The following PIEZO1 variants were observed in gnomAD, a reference collection of about 807,000 sequenced individuals.
PIEZO1 encodes the protein piezo type mechanosensitive ion channel component 1 (Er blood group).
Under a neutral mutation model 297.2 loss-of-function variants are expected in PIEZO1, and 296 were observed. That is an observed-to-expected ratio of 1.00 (90% CI 0.91 to 1.10). PIEZO1 has a LOEUF of 1.10. Ranked by LOEUF, PIEZO1 falls within the 50% of genes least tolerant of loss-of-function variation. PIEZO1 has a pLI of 0.00. For synonymous variants in PIEZO1, 2,427 were observed against 1,507.5 expected (o/e 1.61, Z -14.13); for missense variants, 5,018 against 3,455.5 (o/e 1.45, Z -11.34).
chr16:88,745,870 A>T (rs949806648), intron 2 of PIEZO1: 1 of 151,660 alleles, frequency 6.6e-6, no homozygotes, highest in Non-Finnish European at 1.5e-5. Context: ...CAGAGCATGG[A>T]CCTCCCCCAG....
intron 2 of PIEZO1, chr16:88,743,631 T>C (rs1302716169): frequency 4.4e-6 from 2 of 456,620 alleles, no homozygotes; most frequent in Non-Finnish European, 8.8e-6. Context: ...AGACTCGGGA[T>C]TGGCCTTGGA....
rs986178321 is a variant in PIEZO1 at position 88,738,678 on chromosome 16, G to A, written c.524C>T (p.Thr175Met). The A allele has an allele frequency of 1.5e-5, 23 of 1,535,020 alleles. No individual in the cohort carries two copies. The highest frequency in any genetic ancestry group is 9.8e-5 in the Admixed American group (5 of 50,956). The stretch of plus-strand genomic sequence containing the variant: ...CCGTGACCTCCGTGTAGGGGCCAGC[G>A]TTGCTGCTTCCTGCAGCCCTGCCGT... ...SPTAGLQEAA[T>M]LAPTRRSRLA... is the part of the protein sequence containing the mutation. The change falls in exon 6 of 51, where the codon ACG becomes ATG. Residue 175 changes from threonine to methionine, a missense_variant. By Grantham distance (81) the Thr-to-Met change is moderately conservative (BLOSUM62 -1). Coordinates refer to ENST00000301015, the MANE Select transcript of PIEZO1 (RefSeq NM_001142864.4).
At chr16:88,763,414 C>G (rs11861910) in intron 1 of PIEZO1, among the ~76,000 whole-genome samples, 1 of 152,042 alleles carries the variant, frequency 6.6e-6, no homozygotes. Flanking sequence ...TATGGTGACT[C>G]CTGCCTGTAA....
At position 88,726,805 on chromosome 16, in the gene PIEZO1, CAGGGCCGTGCCGA is replaced by C; in HGVS notation, c.3596_3608del (p.Phe1199CysfsTer67). On this transcript the variant is annotated frameshift_variant, in exon 25 of 51. Coordinates refer to ENST00000301015, the MANE Select transcript of PIEZO1 (RefSeq NM_001142864.4). LOFTEE classifies it high-confidence loss of function. ...GGCGGGCCCGTGTGTCCCTCTGCAG[CAGGGCCGTGCCGA>C]AGAGCAGCAGGTAGAAGCAGGCCAG... 6.5e-7 allele frequency: 1 copy of C among 1,550,292 alleles called. No homozygotes were observed. The highest frequency in any genetic ancestry group is 8.7e-7 in the Non-Finnish European group (1 of 1,146,916).
In PIEZO1 at chr16:88,719,649, G is replaced by T; in HGVS notation, c.6396C>A (p.Ser2132=). The T allele has an allele frequency of 6.4e-7, 1 of 1,554,096 alleles. No individual in the cohort carries two copies. The highest frequency in any genetic ancestry group is 2.4e-5 in the East Asian group (1 of 41,148). The change falls in exon 44 of 51, where the codon TCC becomes TCA. Residue 2132 remains serine (S), a synonymous_variant. Coordinates refer to ENST00000301015, the MANE Select transcript of PIEZO1 (RefSeq NM_001142864.4). ...CCTCCACACACATCCAGCTGGACAG[G>T]GACAGCGTGGTGTCCGTCCACACCC... ...MDWVWTDTTL[S]LSSWMCVEDI...
intron 1 of PIEZO1, among the ~76,000 whole-genome samples, chr16:88,779,001 G>C (rs1180704862): frequency 6.6e-6 from 1 of 150,798 alleles, no homozygotes; most frequent in African/African-American, 2.4e-5. Context: ...GGTTCAAAGG[G>C]TTAAAAAGGG....
chr16:88,758,634 G>A (rs555648398), intron 1 of PIEZO1, among the ~76,000 whole-genome samples: 12 of 152,214 alleles, frequency 7.9e-5, no homozygotes, highest in Middle Eastern at 3.2e-3. Flanking sequence ...CAGGCCAAGC[G>A]GCAGGGGGTG....
intron 1 of PIEZO1, among the ~76,000 whole-genome samples, chr16:88,751,506 G>A (rs548071121): frequency 5.3e-5 from 8 of 152,284 alleles, no homozygotes; most frequent in East Asian, 3.9e-4. Context: ...GCGGAGTGCC[G>A]GGCTCCGGGG....
chr16:88,735,161 AGC>A lies in PIEZO1; in HGVS notation c.1641_1642del (p.Leu548AspfsTer228). ...TGTGTCTGCCACGGTGACCTCCGTC[AGC>A]GCAGCTGGAGACTCTGCCCACTTCA... On this transcript the variant is annotated frameshift_variant, in exon 13 of 51. Coordinates refer to ENST00000301015, the MANE Select transcript of PIEZO1 (RefSeq NM_001142864.4). LOFTEE classifies it high-confidence loss of function. 1 of 1,550,330 alleles carries A rather than the reference AGC, an allele frequency of 6.5e-7. No individual in the cohort carries two copies. Among genetic ancestry groups the A allele is most frequent in the Non-Finnish European group, 8.7e-7 (1 of 1,146,892 alleles).
chr16:88,717,615 C>T (rs1240555252), intron 44 of PIEZO1: 1 of 462,526 alleles, frequency 2.2e-6, no homozygotes, highest in African/African-American at 2.0e-5. Context: ...TCTTCATGAA[C>T]CTGGATTTGG....
chr16:88,782,361 C>T (rs1012264188), intron 1 of PIEZO1, among the ~76,000 whole-genome samples: 1 of 152,218 alleles, frequency 6.6e-6, no homozygotes, highest in Non-Finnish European at 1.5e-5. Flanking sequence ...ATCCTCCCAC[C>T]TTGGCCTCCC....
intron 2 of PIEZO1, among the ~76,000 whole-genome samples, chr16:88,747,233 A>AG (rs1219993568): frequency 1.3e-5 from 2 of 148,846 alleles, no homozygotes; most frequent in African/African-American, 4.9e-5. Flanking sequence ...CCCCACTCGA[A>AG]AAAAAAAAAA....
At chr16:88,764,422 C>T (rs1388995029) in intron 1 of PIEZO1, among the ~76,000 whole-genome samples, 2 of 152,182 alleles carry the variant, frequency 1.3e-5, no homozygotes, top group African/African-American at 4.8e-5. Flanking sequence ...CTCTGGGAAA[C>T]ATGAACGTGC....
rs2142808570 is a variant in PIEZO1, at chr16:88,732,324, C to CCGA, written c.2991+10_2991+11insTCG. On this transcript the variant is annotated intron_variant, in intron 21 of 50. Transcript: ENST00000301015. ...GCCCTGCCCCAGGGGGAGGCAATGTCCTTGCCTCACCTCCAGCCCGAATTT... is the reference window on the plus strand; with the variant it reads ...GCCCTGCCCCAGGGGGAGGCAATGTCCGACTTGCCTCACCTCCAGCCCGAATTT... 6.5e-7 allele frequency: 1 copy of CCGA among 1,547,618 alleles called. No individual in the cohort carries two copies. The highest frequency in any genetic ancestry group is 2.4e-5 in the East Asian group (1 of 40,854).
At chr16:88,742,493 G>A (rs191333338) in intron 2 of PIEZO1, 71 bp from the exon 3 acceptor site, 23,732 of 1,476,494 alleles carry the variant, frequency 0.016, 299 homozygotes, top group South Asian at 0.04. Flanking sequence ...CGCTCAGCCG[G>A]ACAATAGCCC....
chr16:88,784,587 C>T (rs1182485411), intron 1 of PIEZO1, among the ~76,000 whole-genome samples: 1 of 151,974 alleles, frequency 6.6e-6, no homozygotes, highest in Non-Finnish European at 1.5e-5. Context: ...GCCCGGCGGC[C>T]TCCTCTCCGC....
chr16:88,777,586 G>C (rs1907723747), intron 1 of PIEZO1, among the ~76,000 whole-genome samples: 1 of 152,270 alleles, frequency 6.6e-6, no homozygotes, highest in Admixed American at 6.5e-5. Flanking sequence ...GGGGCAGTGG[G>C]ATGGACGATG....
chr16:88,772,869 T>C (rs1047083821), intron 1 of PIEZO1, among the ~76,000 whole-genome samples: 1 of 151,812 alleles, frequency 6.6e-6, no homozygotes, highest in Admixed American at 6.6e-5. Context: ...GTCACCCCCT[T>C]GCAAATGTGC....
In PIEZO1 at chr16:88,738,302, C is replaced by A; in HGVS notation, c.773G>T (p.Gly258Val). The A allele has an allele frequency of 1.3e-6, 2 of 1,535,840 alleles. No individual in the cohort carries two copies. Among genetic ancestry groups the A allele is most frequent in the Non-Finnish European group, 1.7e-6 (2 of 1,146,818 alleles). Reference sequence around the variant, plus strand: ...GTAGCAGTAGAGGCAGATGAGATGGCCGGCGCCGAAGCACCCCACCGCGAC... The same window carrying A: ...GTAGCAGTAGAGGCAGATGAGATGGACGGCGCCGAAGCACCCCACCGCGAC... ...LCVAVGCFGA[G>V]HLICLYCYQM... Residue 258 changes from glycine to valine, a missense_variant, in exon 7 of 51, where the codon GGC (glycine) becomes GTC (valine). Transcript: ENST00000301015.
Sources: allele counts gnomAD v4.1 joint callset (sites outside exome capture counted in the v4.1 genomes callset), GRCh38; gene constraint gnomAD v4.1.1; transcripts MANE v1.5; gene names NCBI Gene and HGNC (gene_info 2026-07-23, HGNC 2026-07-21).